GALNT14: variants seen among roughly 807,000 people sequenced by gnomAD.
The protein encoded by GALNT14 is polypeptide N-acetylgalactosaminyltransferase 14, also known as UDP-GalNAc:polypeptide N-acetylgalactosaminyltransferase 14.
A neutral mutation model predicts 77.5 loss-of-function variants in GALNT14; 60 were observed. The ratio of observed to expected loss-of-function variants is 0.77; its 90% CI spans 0.63 to 0.96. GALNT14 has a LOEUF of 0.96. GALNT14 is among the 40% of genes least tolerant of loss of function. The pLI, the probability that GALNT14 is intolerant of heterozygous loss-of-function variation, is 0.00. For synonymous variants in GALNT14, 280 were observed against 281.7 expected, an observed-to-expected ratio of 0.99 and a Z score of 0.06; for missense variants, 710 against 731.0, an observed-to-expected ratio of 0.97 and a Z score of 0.33.
At position 31,057,650 on chromosome 2, in the gene GALNT14, C is replaced by T. The variant is rs115126496; in HGVS notation, c.130-64643G>A. On this transcript the variant is annotated intron_variant, in intron 1 of 14. Transcript: ENST00000349752. ...GAAATCACCATGTGGCAACTACACT[C>T]TATCTGAAAGTGGATAACACTAACT... 3.2e-3 allele frequency among the ~76,000 whole-genome samples: 486 copies of T among 152,156 alleles called. 3 individuals are homozygous for T. Among genetic ancestry groups the T allele is most frequent in the African/African-American group, 0.011 (462 of 41,530 alleles).
intron 1 of GALNT14, among the ~76,000 whole-genome samples, chr2:31,093,791 A>G (rs574289169): frequency 6.6e-6 from 1 of 152,384 alleles, no homozygotes; most frequent in African/African-American, 2.4e-5. Flanking sequence ...ACTTTTGCAG[A>G]CTTGCAATCT....
intron 9 of GALNT14, among the ~76,000 whole-genome samples, chr2:30,935,351 C>T (rs1665989213): frequency 6.6e-6 from 1 of 152,216 alleles, no homozygotes; most frequent in African/African-American, 2.4e-5. Context: ...TCAAGGCACT[C>T]ACAAACTAAC....
chr2:31,065,975 C>A (rs1339443531), intron 1 of GALNT14, among the ~76,000 whole-genome samples: 1 of 152,188 alleles, frequency 6.6e-6, no homozygotes, highest in East Asian at 1.9e-4. Flanking sequence ...GTCAGGATTC[C>A]AATCCCCGCC....
intron 1 of GALNT14, among the ~76,000 whole-genome samples, chr2:31,053,680 A>G (rs1294928282): frequency 1.3e-5 from 2 of 152,098 alleles, no homozygotes; most frequent in Admixed American, 6.5e-5. Context: ...GCCTGCTTCC[A>G]TTACTAGATT....
chr2:31,106,999 C>T (rs554290251), intron 1 of GALNT14, among the ~76,000 whole-genome samples: 6 of 152,234 alleles, frequency 3.9e-5, no homozygotes, highest in Middle Eastern at 3.4e-3. Flanking sequence ...AGATTCTGTA[C>T]CTTGATCTGA....
chr2:31,111,456 G>C (rs150283975), intron 1 of GALNT14, among the ~76,000 whole-genome samples: 216 of 152,340 alleles, frequency 1.4e-3, no homozygotes, highest in African/African-American at 4.8e-3. Context: ...AAAAGGCAGA[G>C]GCAGGGAGGA....
Position 30,992,866 on chromosome 2 carries a change from G to T in GALNT14, c.271C>A (p.Arg91=). The T allele has an allele frequency of 6.2e-7, 1 of 1,614,076 alleles. No homozygotes were observed. The highest frequency in any genetic ancestry group is 8.5e-7 in the Non-Finnish European group (1 of 1,179,948). The change falls in exon 2 of 15, where the codon CGG becomes AGG. Residue 91 remains arginine, a synonymous_variant. Coordinates refer to ENST00000349752, the MANE Select transcript of GALNT14 (RefSeq NM_024572.4). ...AGATGGCGAGTGTCCGGGATGGCCC[G>T]ATTGCTGGAGATCCGCTCACTCTCC... ...QRESERISSN[R]AIPDTRHLRC... is the part of the protein sequence containing the mutation.
chr2:31,002,556 T>C (rs2148423598), intron 1 of GALNT14, among the ~76,000 whole-genome samples: 1 of 152,234 alleles, frequency 6.6e-6, no homozygotes, highest in Non-Finnish European at 1.5e-5. Flanking sequence ...TGTCAGCTAG[T>C]CATAAAAATA....
intron 1 of GALNT14, among the ~76,000 whole-genome samples, chr2:31,052,695 G>A (rs780917099): frequency 1.8e-4 from 28 of 152,280 alleles, no homozygotes; most frequent in Middle Eastern, 3.4e-3. Flanking sequence ...CAGCACCGGC[G>A]GCAGGCGCTT....
chr2:31,053,120 C>T (rs1673990454), intron 1 of GALNT14, among the ~76,000 whole-genome samples: 1 of 152,188 alleles, frequency 6.6e-6, no homozygotes, highest in African/African-American at 2.4e-5. Context: ...CACTTGCCCC[C>T]AAGCCCTAGT....
intron 1 of GALNT14, among the ~76,000 whole-genome samples, chr2:31,100,528 CCT>C (rs918170449): frequency 6.6e-5 from 10 of 151,872 alleles, no homozygotes; most frequent in African/African-American, 1.9e-4. Context: ...CTGCCTCTTC[CCT>C]CTCTTTTTTA....
At chr2:30,989,249 A>T (rs1040020723) in intron 2 of GALNT14, among the ~76,000 whole-genome samples, 2 of 152,060 alleles carry the variant, frequency 1.3e-5, no homozygotes, top group Non-Finnish European at 2.9e-5. Flanking sequence ...CCCCACACTC[A>T]TGGGGATTTG....
At chr2:31,028,442 G>C (rs193044878) in intron 1 of GALNT14, among the ~76,000 whole-genome samples, 2 of 152,232 alleles carry the variant, frequency 1.3e-5, no homozygotes, top group Non-Finnish European at 2.9e-5. Flanking sequence ...CAGCCCTGCT[G>C]GGATGAGAGC....
chr2:30,975,806 C>T (rs1166960993), intron 2 of GALNT14, among the ~76,000 whole-genome samples: 4 of 152,090 alleles, frequency 2.6e-5, no homozygotes, highest in Non-Finnish European at 4.4e-5. Flanking sequence ...TAATTAAGTT[C>T]GTGACATTTT....
At chr2:31,018,450 G>C (rs1389909791) in intron 1 of GALNT14, among the ~76,000 whole-genome samples, 1 of 152,186 alleles carries the variant, frequency 6.6e-6, no homozygotes, top group Non-Finnish European at 1.5e-5. Context: ...AGGTGACAGA[G>C]AGTGGTAGGC....
At chr2:30,925,413 C>T (rs1210814992) in intron 11 of GALNT14, among the ~76,000 whole-genome samples, 1 of 152,160 alleles carries the variant, frequency 6.6e-6, no homozygotes, top group Non-Finnish European at 1.5e-5. Flanking sequence ...ATAGGATGAG[C>T]AGGAGGGACC....
intron 1 of GALNT14, among the ~76,000 whole-genome samples, chr2:31,118,690 C>T (rs1678237747): frequency 6.6e-6 from 1 of 152,040 alleles, no homozygotes; most frequent in Non-Finnish European, 1.5e-5. Context: ...TTTGAAAGTT[C>T]TCATGAATGC....
At chr2:31,014,171 G>A (rs919747768) in intron 1 of GALNT14, among the ~76,000 whole-genome samples, 2 of 152,196 alleles carry the variant, frequency 1.3e-5, no homozygotes, top group Admixed American at 6.5e-5. Flanking sequence ...TGAAAATACT[G>A]TAGGTAAAAA....
chr2:31,077,969 T>G (rs1005674339), intron 1 of GALNT14, among the ~76,000 whole-genome samples: 5 of 152,200 alleles, frequency 3.3e-5, no homozygotes, highest in African/African-American at 1.2e-4. Context: ...CCTAACTTAA[T>G]GACAGAGTGA....
Sources: allele counts gnomAD v4.1 joint callset (sites outside exome capture counted in the v4.1 genomes callset), GRCh38; gene constraint gnomAD v4.1.1; transcripts MANE v1.5; gene names NCBI Gene and HGNC (gene_info 2026-07-23, HGNC 2026-07-21).